Variants in ICE1 observed in about 807,000 individuals in gnomAD.
The protein encoded by ICE1 is interactor of little elongation complex ELL subunit 1, also known as little elongation complex subunit 1.
ICE1 carries 64 observed loss-of-function variants against 192.7 expected under a neutral mutation model. The ratio of observed to expected loss-of-function variants is 0.33; its 90% CI spans 0.27 to 0.41. The LOEUF is 0.41. Ranked by LOEUF, ICE1 falls within the 10% of genes least tolerant of loss-of-function variation. The pLI is 1.00. For synonymous variants in ICE1, 1,010 were observed against 984.5 expected (o/e 1.03, Z -0.49); for missense variants, 2,708 against 2,696.0 (o/e 1.00, Z -0.10).
chr5:5,476,546 G>A (rs1045820232), intron 17 of ICE1, among the ~76,000 whole-genome samples: 1 of 152,130 alleles, frequency 6.6e-6, no homozygotes, highest in Non-Finnish European at 1.5e-5. Flanking sequence ...TCGTGGGGAA[G>A]CCTTAGGGAG....
chr5:5,444,847 G>A (rs145307682), intron 7 of ICE1, among the ~76,000 whole-genome samples: 176 of 152,308 alleles, frequency 1.2e-3, no homozygotes, highest in African/African-American at 4.0e-3. Flanking sequence ...GAGTAGGTAC[G>A]AGTGCAGAGG....
intron 13 of ICE1, 125 bp downstream of exon 13, chr5:5,465,351 C>A (rs932347296): frequency 2.9e-5 from 19 of 647,448 alleles, no homozygotes; most frequent in Non-Finnish European, 5.1e-5. Context: ...TGAGAGTTAT[C>A]CATGTAAACA....
In ICE1 at chr5:5,461,837, C is replaced by A; in HGVS notation, c.2503C>A (p.Pro835Thr). The A allele has an allele frequency of 6.2e-7, 1 of 1,614,000 alleles. No homozygotes were observed. The highest frequency in any genetic ancestry group is 8.5e-7 in the Non-Finnish European group (1 of 1,179,876). ...FLQNRGPTPK[P>T]DLLRENNNPV... ...ACAAAATAGAGGACCAACACCCAAG[C>A]CTGATCTTCTTAGAGAAAATAACAA... Residue 835 changes from proline to threonine, a missense_variant, in exon 13 of 19, where the codon CCT (proline) becomes ACT (threonine). Transcript: ENST00000296564.
At chr5:5,441,067 C>A in intron 4 of ICE1, 45 bp from the exon 5 acceptor site, 2 of 1,176,444 alleles carry the variant, frequency 1.7e-6, no homozygotes, top group South Asian at 1.4e-5. Flanking sequence ...TTTAATACTT[C>A]GTTATAGATC....
intron 17 of ICE1, among the ~76,000 whole-genome samples, chr5:5,477,929 A>C (rs1454738054): frequency 6.6e-6 from 1 of 152,214 alleles, no homozygotes; most frequent in Non-Finnish European, 1.5e-5. Flanking sequence ...GTAAAATTCA[A>C]CATCCCTTCA....
At chr5:5,467,936 G>T (rs1480949078) in intron 14 of ICE1, among the ~76,000 whole-genome samples, 3 of 152,154 alleles carry the variant, frequency 2.0e-5, no homozygotes, top group Non-Finnish European at 4.4e-5. Flanking sequence ...CACAGAGTTA[G>T]ATCATGACAT....
intron 7 of ICE1, among the ~76,000 whole-genome samples, chr5:5,446,946 C>T (rs1738243507): frequency 6.6e-6 from 1 of 152,078 alleles, no homozygotes; most frequent in African/African-American, 2.4e-5. Flanking sequence ...AATAAAGGTC[C>T]TAGGGATTAT....
chr5:5,451,464 A>G (rs1727890949), intron 10 of ICE1, among the ~76,000 whole-genome samples: 1 of 152,084 alleles, frequency 6.6e-6, no homozygotes, highest in African/African-American at 2.4e-5. Context: ...GAAACCAACA[A>G]CTCTTTGGTA....
intron 1 of ICE1, among the ~76,000 whole-genome samples, chr5:5,425,989 A>AAG (rs1197602710): frequency 3.3e-5 from 5 of 152,166 alleles, no homozygotes; most frequent in Admixed American, 1.3e-4. Context: ...ATACAGGAGG[A>AAG]AGAGGAAATC....
chr5:5,476,256 TTTA>T (rs550291535), intron 17 of ICE1, among the ~76,000 whole-genome samples, 177 bp downstream of exon 17: 19 of 152,338 alleles, frequency 1.2e-4, no homozygotes, highest in Non-Finnish European at 2.4e-4. Context: ...AAATTAGTGT[TTTA>T]TTCATCTTTT....
chr5:5,462,024 G>C lies in ICE1; in HGVS notation c.2690G>C (p.Gly897Ala). The C allele has an allele frequency of 6.2e-7, 1 of 1,613,956 alleles. No homozygotes were observed. The highest frequency in any genetic ancestry group is 8.5e-7 in the Non-Finnish European group (1 of 1,179,884). The change falls in exon 13 of 19, where the codon GGT (glycine) becomes GCT (alanine). Residue 897 changes from glycine to alanine, a missense_variant. Coordinates refer to ENST00000296564, the MANE Select transcript of ICE1 (RefSeq NM_015325.3). Reference protein sequence around the residue: ...LVTENSGNKTGMSTVAKCDGE... With the variant: ...LVTENSGNKTAMSTVAKCDGE... Reference sequence around the variant, plus strand: ...ACAGAAAATAGTGGCAACAAAACCGGTATGTCAACTGTAGCAAAATGTGAT... The same window carrying C: ...ACAGAAAATAGTGGCAACAAAACCGCTATGTCAACTGTAGCAAAATGTGAT...
chr5:5,458,692 C>G (rs991552758), intron 12 of ICE1, among the ~76,000 whole-genome samples: 2 of 152,088 alleles, frequency 1.3e-5, no homozygotes, highest in African/African-American at 4.8e-5. Context: ...TGCATCCTCC[C>G]AAGGAGTTCC....
intron 3 of ICE1, among the ~76,000 whole-genome samples, chr5:5,438,202 A>G (rs1428975990): frequency 1.3e-5 from 2 of 152,170 alleles, no homozygotes; most frequent in South Asian, 2.1e-4. Flanking sequence ...AAACCATCAG[A>G]TCTCGTGGGA....
intron 1 of ICE1, among the ~76,000 whole-genome samples, chr5:5,425,867 AAAG>A (rs1262929164): frequency 6.6e-6 from 1 of 152,226 alleles, no homozygotes; most frequent in African/African-American, 2.4e-5. Flanking sequence ...GAAGGGGAAT[AAAG>A]AAGAAAAAGG....
At chr5:5,453,454 T>A (rs1169021277) in intron 10 of ICE1, among the ~76,000 whole-genome samples, 1 of 152,182 alleles carries the variant, frequency 6.6e-6, no homozygotes, top group Non-Finnish European at 1.5e-5. Context: ...TTACAAAATC[T>A]GTGATTCCCT....
intron 7 of ICE1, among the ~76,000 whole-genome samples, chr5:5,445,771 C>T (rs983714877): frequency 1.5e-4 from 22 of 151,126 alleles, no homozygotes; most frequent in Middle Eastern, 3.5e-3. Flanking sequence ...CTCGCTCTGT[C>T]GCCTAGACTG....
At position 5,461,714 on chromosome 5, in the gene ICE1, A is replaced by G. The variant is rs1365422137; in HGVS notation, c.2380A>G (p.Ser794Gly). 15 of 1,613,922 alleles carry G rather than the reference A, an allele frequency of 9.3e-6. No individual in the cohort carries two copies. The highest frequency in any genetic ancestry group is 1.3e-5 in the Non-Finnish European group (15 of 1,179,840). ...GFVKSTSWHH[S>G]DLLRKGGEES... Reference sequence around the variant, plus strand: ...TGTTAAAAGTACTTCATGGCACCATAGTGATTTATTAAGGAAAGGTGGCGA... The same window carrying G: ...TGTTAAAAGTACTTCATGGCACCATGGTGATTTATTAAGGAAAGGTGGCGA... Residue 794 changes from serine to glycine, a missense_variant, in exon 13 of 19, where the codon AGT becomes GGT. Physicochemically the swap from Ser to Gly is moderately conservative, Grantham distance 56. Coordinates refer to ENST00000296564, the MANE Select transcript of ICE1 (RefSeq NM_015325.3).
chr5:5,457,715 G>C lies in ICE1; in HGVS notation c.1075G>C (p.Gly359Arg). The change falls in exon 12 of 19, where the codon GGT (glycine) becomes CGT (arginine). Residue 359 changes from glycine (G) to arginine (R), a missense_variant. Coordinates refer to ENST00000296564, the MANE Select transcript of ICE1 (RefSeq NM_015325.3). ...CCCTCCGATGTCATCACCTCACCCGGGTTCCTTACCGTCTTCATTTGCACC... is the reference window on the plus strand; with the variant it reads ...CCCTCCGATGTCATCACCTCACCCGCGTTCCTTACCGTCTTCATTTGCACC... ...SPPPMSSPHPGSLPSSFAPET... is the reference protein window; with the variant it reads ...SPPPMSSPHPRSLPSSFAPET... The C allele has an allele frequency of 2.5e-6, 4 of 1,612,152 alleles. No individual in the cohort carries two copies. The highest frequency in any genetic ancestry group is 2.2e-5 in the East Asian group (1 of 44,836).
rs1247530145 is a variant in ICE1 at position 5,444,326 on chromosome 5, G to A, written c.424G>A (p.Glu142Lys). 3 of 1,565,246 alleles carry A rather than the reference G, an allele frequency of 1.9e-6. No individual in the cohort carries two copies. The highest frequency in any genetic ancestry group is 3.3e-4 in the Middle Eastern group (2 of 6,004). ...AGAAGCTAAGGTGAAGAAGCTGCAA[G>A]GTAAGTGGCACTATTGTTACCTGAA... ...KLEAKVKKLQ[E>K]AAVKQTQDFK... The change falls in exon 7 of 19, where the codon GAG becomes AAG. Residue 142 changes from glutamate (E) to lysine (K), a missense_variant and splice_region_variant. Glu to Lys is a moderately conservative substitution (Grantham distance 56). Around this residue, in one of 2 missense-constraint regions of ICE1, gnomAD observed 2,366 missense variants for 2,276.6 expected, o/e 1.04. Coordinates refer to ENST00000296564, the MANE Select transcript of ICE1 (RefSeq NM_015325.3).
Sources: gnomAD v4.1 joint callset for allele counts (sites outside exome capture counted in the v4.1 genomes callset) on GRCh38, gnomAD v4.1.1 for gene constraint, gnomAD v4.1.1 regional missense constraint, MANE v1.5 for transcripts, NCBI Gene and HGNC (gene_info 2026-07-23, HGNC 2026-07-21) for gene names.